VPS13A: variants seen among roughly 807,000 people sequenced by gnomAD.
The protein encoded by VPS13A is vacuolar protein sorting 13 homolog A.
VPS13A carries 264 observed loss-of-function variants against 390.9 expected under a neutral mutation model. The observed-to-expected ratio is 0.68, with a 90% confidence interval of 0.61 to 0.75. VPS13A has a LOEUF of 0.75. Ranked by LOEUF, VPS13A falls within the 30% of genes least tolerant of loss-of-function variation. The probability of loss-of-function intolerance (pLI) is 0.00; values close to 1 mark genes in which losing one functional copy is unlikely to be tolerated. For synonymous variants in VPS13A, 1,231 were observed against 1,227.1 expected (o/e 1.00, Z -0.07); for missense variants, 3,409 against 3,733.9 (o/e 0.91, Z 2.27).
Position 77,344,261 on chromosome 9 carries a change from C to T in VPS13A, c.7135C>T (p.Leu2379=). ...TTTTAACAAGCAGGAAAATTGTATT[C>T]TATTGCGTCTAGATAACGAGGTAAG... The part of the protein sequence containing the change: ...IYFNKQENCI[L]LRLDNELGGI... Residue 2379 remains leucine, a synonymous_variant, in exon 51 of 72, where the codon CTA becomes TTA. Transcript: ENST00000360280. 1.2e-6 allele frequency: 2 copies of T among 1,613,252 alleles called. No individual in the cohort carries two copies. The highest frequency in any genetic ancestry group is 1.7e-6 in the Non-Finnish European group (2 of 1,179,646).
intron 67 of VPS13A, among the ~76,000 whole-genome samples, chr9:77,377,096 C>A (rs966705904): frequency 6.6e-6 from 1 of 151,330 alleles, no homozygotes; most frequent in African/African-American, 2.4e-5. Context: ...CAACGTCTTT[C>A]CATTTATTTA....
At chr9:77,278,237 A>ATTTTTTTTTTTT (rs57545793) in intron 26 of VPS13A, among the ~76,000 whole-genome samples, 8 of 115,372 alleles carry the variant, frequency 6.9e-5, no homozygotes, top group Non-Finnish European at 1.2e-4. Context: ...CGCCCAGCTA[A>ATTTTTTTTTTTT]TTTTTTTTTT....
At chr9:77,189,359 A>AT (rs1203241045) in intron 1 of VPS13A, among the ~76,000 whole-genome samples, 2 of 152,066 alleles carry the variant, frequency 1.3e-5, no homozygotes, top group Admixed American at 1.3e-4. Context: ...CATTTATTGA[A>AT]TAGGGAGTCC....
At chr9:77,367,353 A>AT (rs1439863207) in intron 61 of VPS13A, among the ~76,000 whole-genome samples, 1 of 152,214 alleles carries the variant, frequency 6.6e-6, no homozygotes, top group Non-Finnish European at 1.5e-5. Flanking sequence ...GACCAAAGAG[A>AT]TTCAGAATGT....
chr9:77,362,663 C>A (rs540027481), intron 59 of VPS13A, among the ~76,000 whole-genome samples: 18 of 152,294 alleles, frequency 1.2e-4, no homozygotes, highest in Admixed American at 6.5e-4. Context: ...GTCAGCTGGA[C>A]ATCTGATAGA....
In VPS13A at chr9:77,416,067, A is replaced by C; in HGVS notation, c.*61A>C. ...GATTACAGCTCCTAGACTACCTTCCAAAACCTGTTTGGGAAGCATATTACA... is the reference window on the plus strand; with the variant it reads ...GATTACAGCTCCTAGACTACCTTCCCAAACCTGTTTGGGAAGCATATTACA... On this transcript the variant is annotated 3_prime_UTR_variant, in exon 72 of 72. Coordinates refer to ENST00000360280, the MANE Select transcript of VPS13A (RefSeq NM_033305.3). 6.4e-7 allele frequency: 1 copy of C among 1,569,238 alleles called. No individual in the cohort carries two copies. Among genetic ancestry groups the C allele is most frequent in the Non-Finnish European group, 8.8e-7 (1 of 1,139,634 alleles).
At chr9:77,300,695 G>T (rs572967486) in intron 33 of VPS13A, among the ~76,000 whole-genome samples, 97 of 152,336 alleles carry the variant, frequency 6.4e-4, no homozygotes, top group African/African-American at 2.2e-3. Context: ...TAATGCCACT[G>T]CATTCCGGCC....
intron 19 of VPS13A, among the ~76,000 whole-genome samples, chr9:77,239,034 TC>T (rs1824311746): frequency 6.6e-6 from 1 of 152,158 alleles, no homozygotes; most frequent in Non-Finnish European, 1.5e-5. Context: ...GGATTGTTAA[TC>T]CTTTACTTCA....
chr9:77,368,068 G>T lies in VPS13A; in HGVS notation c.8485G>T (p.Glu2829Ter). 6.2e-7 allele frequency: 1 copy of T among 1,611,774 alleles called. No homozygotes were observed. Among genetic ancestry groups the T allele is most frequent in the East Asian group, 2.2e-5 (1 of 44,738 alleles). The change falls in exon 62 of 72, where the codon GAA becomes TAA. Residue 2829 changes from glutamate to a stop codon, truncating the protein, a stop_gained. Coordinates refer to ENST00000360280, the MANE Select transcript of VPS13A (RefSeq NM_033305.3). LOFTEE classifies it high-confidence loss of function. ...CGCTTTTTTCAGGCTTGCATTTTTT[G>T]AACTCAACTATCAGTTCCATACAAC... Reference protein sequence around the residue: ...QDVVFKLAFFELNYQFHTTSD... With the variant: ...QDVVFKLAFF
At chr9:77,343,039 A>G (rs188449176) in intron 50 of VPS13A, among the ~76,000 whole-genome samples, 4 of 152,306 alleles carry the variant, frequency 2.6e-5, no homozygotes, top group Admixed American at 2.0e-4. Context: ...TGAAGTGACT[A>G]TACCCTTGTT....
chr9:77,246,364 A>G (rs919398900), intron 19 of VPS13A, among the ~76,000 whole-genome samples: 1 of 152,140 alleles, frequency 6.6e-6, no homozygotes, highest in African/African-American at 2.4e-5. Flanking sequence ...AATTTTAAGT[A>G]CATTAAAATT....
chr9:77,199,400 G>GT (rs2131101729), intron 1 of VPS13A, among the ~76,000 whole-genome samples: 1 of 152,242 alleles, frequency 6.6e-6, no homozygotes, highest in African/African-American at 2.4e-5. Context: ...ACATCCTAAT[G>GT]TTATAGCAGT....
chr9:77,288,578 A>T (rs1827473929), intron 31 of VPS13A, among the ~76,000 whole-genome samples: 1 of 152,162 alleles, frequency 6.6e-6, no homozygotes, highest in Non-Finnish European at 1.5e-5. Flanking sequence ...AGATTTTCAG[A>T]TCCCTTTCTG....
intron 50 of VPS13A, among the ~76,000 whole-genome samples, chr9:77,340,919 T>C (rs1042183659): frequency 7.9e-5 from 12 of 152,224 alleles, no homozygotes; most frequent in Non-Finnish European, 1.8e-4. Context: ...CAGACTCTTC[T>C]TCAAGTTATT....
At chr9:77,382,698 T>C (rs944253551) in intron 68 of VPS13A, 43 of 989,516 alleles carry the variant, frequency 4.3e-5, no homozygotes, top group Non-Finnish European at 5.0e-5. Context: ...GCTTTGCCTT[T>C]GAAAATGCTT....
In VPS13A at chr9:77,356,756, A is replaced by T. The variant is rs1173124611; in HGVS notation, c.7695A>T (p.Arg2565Ser). ...AAACAAAGCCCAAGAAGAAGGCAAG[A>T]TGGAAGCCAATGAGTGTAAAGCACA... is the stretch of plus-strand genomic sequence containing the variant. The part of the protein sequence containing the change: ...VWETKPKKKA[R>S]WKPMSVKHTE... The change falls in exon 55 of 72, where the codon AGA (arginine) becomes AGT (serine). Residue 2565 changes from arginine to serine, a missense_variant. By Grantham distance (110) the Arg-to-Ser change is moderately radical (BLOSUM62 -1). This residue lies in a region of VPS13A where 221 missense variants were observed against 300.7 expected (regional missense o/e 0.73). Coordinates refer to ENST00000360280, the MANE Select transcript of VPS13A (RefSeq NM_033305.3). 1 of 1,613,614 alleles carries T rather than the reference A, an allele frequency of 6.2e-7. No homozygotes were observed. Among genetic ancestry groups the T allele is most frequent in the African/African-American group, 1.3e-5 (1 of 74,934 alleles).
intron 22 of VPS13A, among the ~76,000 whole-genome samples, chr9:77,256,435 T>A (rs1825448964): frequency 6.6e-6 from 1 of 152,176 alleles, no homozygotes; most frequent in Non-Finnish European, 1.5e-5. Context: ...GGAGAATGTT[T>A]CATATGCACT....
chr9:77,314,473 G>T, intron 36 of VPS13A, 22 bp from the exon 37 acceptor site: 1 of 1,606,756 alleles, frequency 6.2e-7, no homozygotes, highest in Non-Finnish European at 8.5e-7. Context: ...TTGTAATTTT[G>T]TGTTGGTTTC....
chr9:77,408,850 G>GTAGAC (rs1563998955), intron 71 of VPS13A, among the ~76,000 whole-genome samples: 1 of 152,230 alleles, frequency 6.6e-6, no homozygotes, highest in Non-Finnish European at 1.5e-5. Context: ...GCCTGCCTCT[G>GTAGAC]TAGACTCCAC....
Sources: gnomAD v4.1 joint callset for allele counts (sites outside exome capture counted in the v4.1 genomes callset) on GRCh38, gnomAD v4.1.1 for gene constraint, gnomAD v4.1.1 regional missense constraint, MANE v1.5 for transcripts, NCBI Gene and HGNC (gene_info 2026-07-23, HGNC 2026-07-21) for gene names.